Variants in CNTLN observed in about 807,000 individuals in gnomAD.
CNTLN encodes the protein centlein.
In CNTLN, 212 loss-of-function variants were observed where a neutral mutation model predicts 180.0. That is an observed-to-expected ratio of 1.18 (90% CI 1.05 to 1.32). The LOEUF is 1.32. CNTLN is among the 40% of genes most tolerant of loss of function. The pLI, the probability that CNTLN is intolerant of heterozygous loss-of-function variation, is 0.00. For missense variants in CNTLN, 2,095 were observed against 1,610.9 expected, an observed-to-expected ratio of 1.30 and a Z score of -5.14; for synonymous variants, 722 against 563.1, an observed-to-expected ratio of 1.28 and a Z score of -3.99.
intron 2 of CNTLN, among the ~76,000 whole-genome samples, chr9:17,180,228 T>G (rs78819527): frequency 7.0e-6 from 1 of 142,220 alleles, no homozygotes; most frequent in African/African-American, 2.7e-5. Context: ...CTATCTCTGT[T>G]TTTTTTTTTT....
At chr9:17,203,143 T>G (rs1822669103) in intron 2 of CNTLN, among the ~76,000 whole-genome samples, 1 of 152,176 alleles carries the variant, frequency 6.6e-6, no homozygotes, top group African/African-American at 2.4e-5. Context: ...TTATTTTCTT[T>G]AAGAATGTTG....
intron 2 of CNTLN, among the ~76,000 whole-genome samples, chr9:17,196,279 C>T (rs1159851616): frequency 2.6e-5 from 4 of 152,266 alleles, no homozygotes; most frequent in African/African-American, 9.6e-5. Flanking sequence ...CTGCCTCGGC[C>T]TCCCAAAATG....
At position 17,461,424 on chromosome 9, in the gene CNTLN, C is replaced by T. The variant is rs556485956; in HGVS notation, c.3307-1492C>T. On this transcript the variant is annotated intron_variant, in intron 19 of 25. Transcript: ENST00000380647. ...TATGGTAGAAATTTTGATTACATTA[C>T]ACACACATTTGATCAAAACATAACA... 7.9e-5 allele frequency among the ~76,000 whole-genome samples: 12 copies of T among 151,816 alleles called. No homozygotes were observed. The South Asian group carries it at 2.5e-3, about 31-fold the overall frequency.
rs150468858 is a variant in CNTLN, at chr9:17,492,953, G to T, written c.4119+5887G>T. 1.0e-3 allele frequency among the ~76,000 whole-genome samples: 155 copies of T among 152,262 alleles called. 2 individuals are homozygous for T. The highest frequency in any genetic ancestry group is 3.6e-3 in the African/African-American group (151 of 41,562). ...TGCTACAATATGGATGAACCTTCAA[G>T]ACATTATGCTAAGTGAAATAAGTCA... On this transcript the variant is annotated intron_variant, in intron 25 of 25. Transcript: ENST00000380647.
At chr9:17,352,222 T>C (rs1018336548) in intron 12 of CNTLN, among the ~76,000 whole-genome samples, 1 of 151,990 alleles carries the variant, frequency 6.6e-6, no homozygotes. Flanking sequence ...ATTGGAGTAC[T>C]TCTCTTTGGG....
At chr9:17,513,816 C>T in the CNTLN span, among the ~76,000 whole-genome samples, 1 of 151,894 alleles carries the variant, frequency 6.6e-6, no homozygotes, top group East Asian at 1.9e-4. Flanking sequence ...AAAGATATAA[C>T]GAAGCTGATC....
intron 10 of CNTLN, among the ~76,000 whole-genome samples, chr9:17,338,125 T>TTTCCTTCCTTCC (rs71331485): frequency 0.01 from 1,551 of 148,248 alleles, 17 homozygotes; most frequent in Middle Eastern, 0.021. Flanking sequence ...TCCCTCCTTC[T>TTTCCTTCCTTCC]TTCCTTCCTT....
intron 13 of CNTLN, among the ~76,000 whole-genome samples, chr9:17,374,893 TATG>T (rs907414830): frequency 6.6e-6 from 1 of 151,608 alleles, no homozygotes; most frequent in African/African-American, 2.4e-5. Flanking sequence ...AGAGCTGTGA[TATG>T]ATCTAGCTAT....
intron 18 of CNTLN, among the ~76,000 whole-genome samples, chr9:17,421,690 T>C (rs1044426194): frequency 3.9e-5 from 6 of 152,146 alleles, no homozygotes; most frequent in African/African-American, 1.4e-4. Context: ...TTTCTGGTAG[T>C]AGTTTTTAAT....
At chr9:17,216,808 G>T (rs1171194817) in intron 2 of CNTLN, among the ~76,000 whole-genome samples, 2 of 152,186 alleles carry the variant, frequency 1.3e-5, no homozygotes, top group Admixed American at 1.3e-4. Flanking sequence ...AGCCAACATA[G>T]GCTGCAAAGG....
chr9:17,431,119 G>T (rs1452091687), intron 18 of CNTLN, among the ~76,000 whole-genome samples: 1 of 152,016 alleles, frequency 6.6e-6, no homozygotes, highest in Non-Finnish European at 1.5e-5. Context: ...TTTTTTTGAA[G>T]AAACTCCATA....
chr9:17,466,038 C>A lies in CNTLN; in HGVS notation c.3589C>A (p.Gln1197Lys). 6.2e-7 allele frequency: 1 copy of A among 1,604,726 alleles called. No homozygotes were observed. The highest frequency in any genetic ancestry group is 1.7e-5 in the Admixed American group (1 of 59,418). Residue 1197 changes from glutamine to lysine, a missense_variant, in exon 22 of 26, where the codon CAA (glutamine) becomes AAA (lysine). Gln to Lys is a moderately conservative substitution (Grantham distance 53, BLOSUM62 1). Transcript: ENST00000380647. ...NKKVSIDSLK[Q>K]RLNVAVKEKS... is the part of the protein sequence containing the mutation. ...GAAGGTATCAATTGATTCACTAAAG[C>A]AAAGACTTAACGTTGCTGTAAAAGA... is the stretch of plus-strand genomic sequence containing the variant.
intron 6 of CNTLN, among the ~76,000 whole-genome samples, chr9:17,289,368 C>T (rs1214287123): frequency 1.1e-4 from 11 of 98,522 alleles, no homozygotes; most frequent in South Asian, 5.4e-4. Context: ...GGGTTTCTGC[C>T]GAGAGATCCG....
intron 2 of CNTLN, among the ~76,000 whole-genome samples, chr9:17,157,674 A>T (rs966972136): frequency 6.6e-6 from 1 of 152,164 alleles, no homozygotes; most frequent in African/African-American, 2.4e-5. Flanking sequence ...TGAATAGAAC[A>T]TGAAGGCTGA....
rs575446848 is a variant in CNTLN, at chr9:17,275,654, A to G, written c.983+1788A>G. Reference sequence around the variant, plus strand: ...TAGGATACAGTGCAGTGTTAAGGACATGGGATATAACAACTATGTTTTCTT... The same window carrying G: ...TAGGATACAGTGCAGTGTTAAGGACGTGGGATATAACAACTATGTTTTCTT... On this transcript the variant is annotated intron_variant, in intron 6 of 25. Transcript: ENST00000380647. Among the ~76,000 whole-genome samples, 15 of 152,268 alleles carry G rather than the reference A, an allele frequency of 9.9e-5. No homozygotes were observed. In the South Asian group the frequency reaches 2.1e-3, roughly 21 times the overall value.
intron 13 of CNTLN, among the ~76,000 whole-genome samples, chr9:17,370,329 A>G (rs1008853307): frequency 2.0e-5 from 3 of 152,212 alleles, no homozygotes; most frequent in Admixed American, 2.0e-4. Flanking sequence ...CAAATAACAT[A>G]CAATGGAGCT....
At chr9:17,155,970 C>T (rs1270048756) in intron 2 of CNTLN, among the ~76,000 whole-genome samples, 1 of 152,098 alleles carries the variant, frequency 6.6e-6, no homozygotes, top group East Asian at 1.9e-4. Context: ...TCATGGCTTC[C>T]CTTAGGTAGG....
chr9:17,457,348 C>T (rs1174787684), intron 18 of CNTLN, among the ~76,000 whole-genome samples, 176 bp from the exon 19 acceptor site: 1 of 151,974 alleles, frequency 6.6e-6, no homozygotes, highest in Admixed American at 6.6e-5. Flanking sequence ...AGCCATACTA[C>T]TATAAGCAAA....
At chr9:17,320,830 T>C (rs1819860686) in intron 8 of CNTLN, among the ~76,000 whole-genome samples, 1 of 152,166 alleles carries the variant, frequency 6.6e-6, no homozygotes, top group South Asian at 2.1e-4. Context: ...TTCTGATCCC[T>C]GATTGTTTCC....
Sources: allele counts gnomAD v4.1 joint callset (sites outside exome capture counted in the v4.1 genomes callset), GRCh38; gene constraint gnomAD v4.1.1; transcripts MANE v1.5; gene names NCBI Gene and HGNC (gene_info 2026-07-23, HGNC 2026-07-21).